The following GSE1 variants were observed in gnomAD, a reference collection of about 807,000 sequenced individuals.
GSE1 encodes genetic suppressor element 1.
GSE1 carries 32 observed loss-of-function variants against 112.6 expected under a neutral mutation model. That is an observed-to-expected ratio of 0.28 (90% CI 0.21 to 0.38). The LOEUF is 0.38. GSE1 is among the 10% of genes least tolerant of loss of function. The pLI, the probability that GSE1 is intolerant of heterozygous loss-of-function variation, is 1.00. For missense variants in GSE1, 2,348 were observed against 1,699.2 expected, an observed-to-expected ratio of 1.38 and a Z score of -6.71; for synonymous variants, 1,115 against 735.6, an observed-to-expected ratio of 1.52 and a Z score of -8.35.
intron 2 of GSE1, among the ~76,000 whole-genome samples, chr16:85,507,814 A>C (rs775029547): frequency 6.6e-6 from 1 of 152,176 alleles, no homozygotes; most frequent in African/African-American, 2.4e-5. Flanking sequence ...TTTTCGCAGG[A>C]CACAAATCAG....
chr16:85,555,917 TCTTCC>T, upstream of GSE1: 1 of 949,638 alleles, frequency 1.1e-6, no homozygotes, highest in Non-Finnish European at 1.2e-6. Flanking sequence ...CTCTCGCTCC[TCTTCC>T]CCGCCTGCTT....
At chr16:85,646,434 G>C (rs1295060489) in intron 2 of GSE1, among the ~76,000 whole-genome samples, 2 of 152,254 alleles carry the variant, frequency 1.3e-5, no homozygotes, top group African/African-American at 4.8e-5. Context: ...GCACGGTGCT[G>C]CTGGTGGGTG....
chr16:85,292,486 G>A (rs943752592), intron 1 of GSE1, among the ~76,000 whole-genome samples: 1 of 152,014 alleles, frequency 6.6e-6, no homozygotes, highest in Non-Finnish European at 1.5e-5. Flanking sequence ...GTGCCACCAC[G>A]TCCAGCTAAT....
chr16:85,555,970 A>C, exon 1 of GSE1: 3 of 979,690 alleles, frequency 3.1e-6, no homozygotes, highest in Non-Finnish European at 3.6e-6. Flanking sequence ...TTTTATTTGC[A>C]TCTCAAGTCC....
chr16:85,658,654 C>T (rs761950245), intron 8 of GSE1, among the ~76,000 whole-genome samples: 43 of 152,348 alleles, frequency 2.8e-4, no homozygotes, highest in Non-Finnish European at 5.4e-4. Context: ...CTGCCCGGCA[C>T]GGCCGAAGTG....
At chr16:85,290,825 G>C (rs1279937513) in intron 1 of GSE1, among the ~76,000 whole-genome samples, 1 of 152,116 alleles carries the variant, frequency 6.6e-6, no homozygotes, top group Non-Finnish European at 1.5e-5. Context: ...ATTCTCTCCT[G>C]CTCCTCAGCC....
intron 1 of GSE1, among the ~76,000 whole-genome samples, chr16:85,317,103 G>A (rs1371939901): frequency 6.6e-6 from 1 of 152,204 alleles, no homozygotes; most frequent in Non-Finnish European, 1.5e-5. Flanking sequence ...AACCATGAGC[G>A]TTTACTGAGC....
rs189399571 is a variant in GSE1 at position 85,351,964 on chromosome 16, T to G, written c.2284-5499T>G. Among the ~76,000 whole-genome samples the G allele has an allele frequency of 6.3e-3, 957 of 152,060 alleles. 15 individuals are homozygous for G. The highest frequency in any genetic ancestry group is 0.022 in the African/African-American group (904 of 41,422). Reference sequence around the variant, plus strand: ...GAGATCGCACCACTGCACTCCAGCCTGGGCAACAGAGCAAGACTCCATCTC... The same window carrying G: ...GAGATCGCACCACTGCACTCCAGCCGGGGCAACAGAGCAAGACTCCATCTC... On this transcript the variant is annotated intron_variant, in intron 1 of 2. Transcript: ENST00000637419.
chr16:85,475,445 G>C (rs2050423140), intron 2 of GSE1, among the ~76,000 whole-genome samples: 1 of 152,250 alleles, frequency 6.6e-6, no homozygotes, highest in Non-Finnish European at 1.5e-5. Context: ...TCCTGAAGCA[G>C]GCAAGGGCAG....
intron 1 of GSE1, among the ~76,000 whole-genome samples, chr16:85,183,577 C>T (rs925400558): frequency 1.3e-5 from 2 of 152,242 alleles, no homozygotes; most frequent in Non-Finnish European, 2.9e-5. Context: ...TCTGGCCGTC[C>T]TCCATGCCCT....
chr16:85,357,350 C>A, intron 1 of GSE1: 1 of 654,596 alleles, frequency 1.5e-6, no homozygotes. Context: ...TCCTGATCAC[C>A]AAGGCCAGGC....
intron 2 of GSE1, among the ~76,000 whole-genome samples, chr16:85,410,980 GCCCCCCGGATAA>G (rs2048517852): frequency 6.2e-5 from 5 of 80,216 alleles, no homozygotes; most frequent in African/African-American, 1.5e-4. Flanking sequence ...TACACTCAGG[GCCCCCCGGATAA>G]TCCTCACTGT....
intron 2 of GSE1, among the ~76,000 whole-genome samples, chr16:85,441,104 C>T (rs1307970707): frequency 2.0e-5 from 3 of 152,138 alleles, no homozygotes; most frequent in Non-Finnish European, 4.4e-5. Context: ...AGGGAATTCC[C>T]TGGGGGCTGC....
intron 1 of GSE1, among the ~76,000 whole-genome samples, chr16:85,351,671 G>A (rs1567706453): frequency 6.6e-6 from 1 of 152,232 alleles, no homozygotes; most frequent in African/African-American, 2.4e-5. Context: ...TAGTATGTGA[G>A]TTGTATCTCA....
At chr16:85,383,525 GCGTCTCTCTCTCTCTCTCTC>G (rs2047610073) in intron 2 of GSE1, among the ~76,000 whole-genome samples, 2 of 116,450 alleles carry the variant, frequency 1.7e-5, no homozygotes, top group African/African-American at 6.8e-5. Flanking sequence ...ACGCACACCT[GCGTCTCTCTCTCTCTCTCTC>G]TCTCTCTCTC....
intron 1 of GSE1, among the ~76,000 whole-genome samples, chr16:85,269,834 G>C (rs1206331260): frequency 6.7e-6 from 1 of 149,442 alleles, no homozygotes; most frequent in Non-Finnish European, 1.5e-5. Context: ...GGCACCGTAG[G>C]TGGGATGCCT....
intron 1 of GSE1, among the ~76,000 whole-genome samples, chr16:85,192,645 G>A (rs1290396887): frequency 2.6e-5 from 4 of 152,130 alleles, no homozygotes; most frequent in African/African-American, 9.7e-5. Flanking sequence ...TGCAGGTTCC[G>A]GAGCCTAAGC....
intron 2 of GSE1, among the ~76,000 whole-genome samples, chr16:85,486,210 C>G (rs2050831995): frequency 1.3e-5 from 2 of 152,222 alleles, no homozygotes; most frequent in African/African-American, 2.4e-5. Flanking sequence ...CCCCTTCTCT[C>G]TGTACTCACA....
chr16:85,283,211 G>A (rs8046524), intron 1 of GSE1: 43,832 of 152,788 alleles, frequency 0.29, 7,654 homozygotes, highest in Non-Finnish European at 0.4. Context: ...CATTGGGCCC[G>A]GCCACACAGG....
Sources: allele counts gnomAD v4.1 joint callset (sites outside exome capture counted in the v4.1 genomes callset), GRCh38; gene constraint gnomAD v4.1.1; transcripts MANE v1.5; gene names NCBI Gene and HGNC (gene_info 2026-07-23, HGNC 2026-07-21).